RNF125: variants seen among roughly 807,000 people sequenced by gnomAD.
RNF125 encodes ring finger protein 125.
RNF125 carries 21 observed loss-of-function variants against 26.0 expected under a neutral mutation model. The ratio of observed to expected loss-of-function variants is 0.81; its 90% CI spans 0.57 to 1.16. RNF125 has a LOEUF of 1.16. RNF125 is among the 50% of genes most tolerant of loss of function. The pLI is 0.00. For missense variants in RNF125, 270 were observed against 299.4 expected (o/e 0.90, Z 0.72); for synonymous variants, 95 against 109.2 (o/e 0.87, Z 0.81).
chr18:32,074,335 G>A (rs566043093), downstream of RNF125, among the ~76,000 whole-genome samples: 5 of 152,292 alleles, frequency 3.3e-5, no homozygotes, highest in South Asian at 1.0e-3. Flanking sequence ...AGGAAATCCA[G>A]TCTTCTCATG....
At chr18:32,083,622 G>A in the RNF125 span, among the ~76,000 whole-genome samples, 2 of 152,188 alleles carry the variant, frequency 1.3e-5, no homozygotes, top group African/African-American at 4.8e-5. Context: ...GTTAATAAAT[G>A]TGGAGTAGGT....
chr18:32,037,107 T>C lies in RNF125; in HGVS notation c.165-9T>C, dbSNP rs1231355033. 3.8e-6 allele frequency: 6 copies of C among 1,598,952 alleles called. No individual in the cohort carries two copies. In the South Asian group the frequency reaches 6.8e-5, roughly 18 times the overall value. ...GGAAAGTGATGTATTTTTGGTCTGT[T>C]TGGGGTAGATTCTGCCGTTCCTGTA... On this transcript the variant is annotated splice_polypyrimidine_tract_variant and intron_variant, in intron 1 of 5. Coordinates refer to ENST00000217740, the MANE Select transcript of RNF125 (RefSeq NM_017831.4).
chr18:32,088,941 G>GT, the RNF125 span, among the ~76,000 whole-genome samples: 2 of 152,178 alleles, frequency 1.3e-5, no homozygotes, highest in African/African-American at 4.8e-5. Flanking sequence ...ATGGGTTGGA[G>GT]TGTGTGCCCT....
chr18:32,023,272 C>A (rs2039002520), intron 1 of RNF125, among the ~76,000 whole-genome samples: 1 of 152,208 alleles, frequency 6.6e-6, no homozygotes, highest in South Asian at 2.1e-4. Context: ...CCCGCCTCAG[C>A]CACTCTAGTA....
chr18:32,038,922 C>G (rs915139051), intron 2 of RNF125, among the ~76,000 whole-genome samples: 1 of 151,658 alleles, frequency 6.6e-6, no homozygotes, highest in Non-Finnish European at 1.5e-5. Flanking sequence ...CCCAACACCA[C>G]GCCTGTCTAA....
chr18:32,081,153 C>T, the RNF125 span, among the ~76,000 whole-genome samples: 2 of 141,834 alleles, frequency 1.4e-5, no homozygotes, highest in Non-Finnish European at 3.0e-5. Context: ...AAGATCTCGC[C>T]ACTGGACTCC....
the RNF125 span, among the ~76,000 whole-genome samples, chr18:32,087,261 C>T: frequency 1.3e-5 from 2 of 150,162 alleles, no homozygotes; most frequent in African/African-American, 4.9e-5. Flanking sequence ...CATTAATTTG[C>T]TGGAGCAATA....
chr18:32,054,373 A>C (rs1273139007), intron 4 of RNF125, among the ~76,000 whole-genome samples: 2 of 152,186 alleles, frequency 1.3e-5, no homozygotes, highest in African/African-American at 2.4e-5. Flanking sequence ...GATTACCGGC[A>C]TGAGCCACCG....
At position 32,071,920 on chromosome 18, in the gene RNF125, C is replaced by T. The variant is rs551477543; in HGVS notation, c.*3536C>T. ...CAAAATCTGGCTGGTTACAGTGGCT[C>T]ACACCTATAATCCCAGCACTTTGGG... is the stretch of plus-strand genomic sequence containing the variant. On this transcript the variant is annotated 3_prime_UTR_variant, in exon 6 of 6. Transcript: ENST00000217740. The T allele has an allele frequency of 2.0e-5, 3 of 152,324 alleles. No homozygotes were observed. Among genetic ancestry groups the T allele is most frequent in the African/African-American group, 7.2e-5 (3 of 41,564 alleles). The allele number at this position is 152,324 out of a possible 1,614,324, so 9.4% of individuals were successfully genotyped here.
In RNF125 at chr18:32,068,329, G is replaced by A. The variant is rs779498047; in HGVS notation, c.644G>A (p.Arg215Gln). The A allele has an allele frequency of 5.0e-6, 8 of 1,586,780 alleles. No individual in the cohort carries two copies. The highest frequency in any genetic ancestry group is 4.4e-5 in the South Asian group (4 of 90,028). ...DFNIIEEALI[R>Q]RVLDRSLLEY... Reference sequence around the variant, plus strand: ...AATATAATTGAGGAAGCTCTTATCCGAAGAGTCTTAGACCGGTCACTTCTT... The same window carrying A: ...AATATAATTGAGGAAGCTCTTATCCAAAGAGTCTTAGACCGGTCACTTCTT... Residue 215 changes from arginine (R) to glutamine (Q), a missense_variant, in exon 6 of 6, where the codon CGA (arginine) becomes CAA (glutamine). Transcript: ENST00000217740.
At chr18:32,021,127 C>A (rs2038982136) in intron 1 of RNF125, among the ~76,000 whole-genome samples, 1 of 152,166 alleles carries the variant, frequency 6.6e-6, no homozygotes, top group African/African-American at 2.4e-5. Flanking sequence ...GTTGCCCAGG[C>A]TGGAGTGCAG....
rs1156859954 is a variant in RNF125, at chr18:32,028,297, T to TAAAAAA, written c.165-8796_165-8791dup. 4.1e-5 allele frequency among the ~76,000 whole-genome samples: 3 copies of TAAAAAA among 72,382 alleles called. 1 individual carries two copies. Among genetic ancestry groups the TAAAAAA allele is most frequent in the African/African-American group, 1.2e-4 (2 of 17,274 alleles). The allele number at this position is 72,382 out of a possible 152,430, so 47.5% of individuals were successfully genotyped here. On this transcript the variant is annotated intron_variant, in intron 1 of 5. Coordinates refer to ENST00000217740, the MANE Select transcript of RNF125 (RefSeq NM_017831.4). ...TGGGCAACAGAGCGAGACTCCGTCT[T>TAAAAAA]AAAAAAAAAAAAAAAAAAAAAAAAA...
chr18:32,038,763 T>A (rs746352120), intron 2 of RNF125, among the ~76,000 whole-genome samples: 5 of 151,988 alleles, frequency 3.3e-5, no homozygotes, highest in Non-Finnish European at 4.4e-5. Flanking sequence ...CGGGCTTATA[T>A]CTTTATTTTT....
At chr18:32,031,393 C>T (rs536149968) in intron 1 of RNF125, 2 of 138,508 alleles carry the variant, frequency 1.4e-5, no homozygotes, top group Non-Finnish European at 3.0e-5. Context: ...TAGGAGCCTA[C>T]AATAATAGGG....
chr18:32,047,260 G>A (rs1372969406), intron 4 of RNF125, among the ~76,000 whole-genome samples: 1 of 152,154 alleles, frequency 6.6e-6, no homozygotes, highest in African/African-American at 2.4e-5. Flanking sequence ...GGATGGTCTC[G>A]ATCTTCTGAC....
intron 4 of RNF125, among the ~76,000 whole-genome samples, chr18:32,055,112 C>T (rs551208280): frequency 7.9e-5 from 12 of 151,902 alleles, no homozygotes; most frequent in African/African-American, 1.7e-4. Flanking sequence ...GCCTGGGCAA[C>T]GGAGCAAGAC....
chr18:32,041,117 T>C (rs1056228756), intron 2 of RNF125, among the ~76,000 whole-genome samples: 1 of 152,224 alleles, frequency 6.6e-6, no homozygotes, highest in African/African-American at 2.4e-5. Flanking sequence ...CAGAGCTTCC[T>C]TTAGCACAAG....
intron 1 of RNF125, among the ~76,000 whole-genome samples, chr18:32,030,783 C>T (rs750700742): frequency 7.9e-5 from 12 of 152,136 alleles, no homozygotes; most frequent in Non-Finnish European, 1.8e-4. Context: ...GGTGCTGGGA[C>T]CTGGCTAGGG....
intron 4 of RNF125, among the ~76,000 whole-genome samples, chr18:32,048,445 C>A (rs11661763): frequency 0.55 from 57,390 of 104,238 alleles, 12,630 homozygotes; most frequent in African/African-American, 0.66. Context: ...AACAAAAAAA[C>A]CCAAAAAAAC....
Sources: allele counts gnomAD v4.1 joint callset (sites outside exome capture counted in the v4.1 genomes callset), GRCh38; gene constraint gnomAD v4.1.1; transcripts MANE v1.5; gene names NCBI Gene and HGNC (gene_info 2026-07-23, HGNC 2026-07-21).